Variants in SCARA3 observed in about 807,000 individuals in gnomAD.
SCARA3 encodes the protein scavenger receptor class A member 3, also known as cellular stress response gene protein.
A neutral mutation model predicts 47.0 loss-of-function variants in SCARA3; 39 were observed. The ratio of observed to expected loss-of-function variants is 0.83; its 90% confidence interval spans 0.64 to 1.08. SCARA3 has a LOEUF of 1.08. Ranked by LOEUF, SCARA3 falls within the 50% of genes least tolerant of loss-of-function variation. SCARA3 has a pLI of 0.00. For missense variants in SCARA3, 724 were observed against 792.3 expected (o/e 0.91, Z 1.04); for synonymous variants, 356 against 334.1 (o/e 1.07, Z -0.71).
At chr8:27,656,587 A>G (rs1407077584) in intron 3 of SCARA3, among the ~76,000 whole-genome samples, 195 bp from the exon 4 acceptor site, 14 of 151,900 alleles carry the variant, frequency 9.2e-5, no homozygotes. Context: ...GGGGTGAGTT[A>G]TTCTGTTTCT....
intron 1 of SCARA3, among the ~76,000 whole-genome samples, chr8:27,638,267 G>C (rs35493625): frequency 0.1 from 15,875 of 151,664 alleles, 1,012 homozygotes; most frequent in East Asian, 0.29. Context: ...GCTGGGCATG[G>C]CTCTCATACA....
At chr8:27,714,353 C>T in the SCARA3 span, among the ~76,000 whole-genome samples, 333 of 152,150 alleles carry the variant, frequency 2.2e-3, 6 homozygotes, top group East Asian at 0.056. Context: ...CGCCACCACG[C>T]CCTGCTAACT....
chr8:27,645,125 G>T (rs1801465414), intron 1 of SCARA3, among the ~76,000 whole-genome samples: 2 of 152,128 alleles, frequency 1.3e-5, no homozygotes, highest in Admixed American at 1.3e-4. Context: ...ATTTCGAAAG[G>T]TATATAAATT....
Position 27,671,470 on chromosome 8 carries a change from C to T in SCARA3, c.*119C>T. ...TCCTCTGATTCCAATGAGGGGGCTCCCCAGGGCTGACCCTGCAGCTTTGGG... is the reference window on the plus strand; with the variant it reads ...TCCTCTGATTCCAATGAGGGGGCTCTCCAGGGCTGACCCTGCAGCTTTGGG... On this transcript the variant is annotated 3_prime_UTR_variant, in exon 6 of 6. Transcript: ENST00000301904. 1 of 1,315,646 alleles carries T rather than the reference C, an allele frequency of 7.6e-7. No homozygotes were observed. Among genetic ancestry groups the T allele is most frequent in the Non-Finnish European group, 9.6e-7 (1 of 1,038,202 alleles). 81.5% of individuals were successfully genotyped at this position (1,315,646 alleles called of 1,614,324 possible). A position where few individuals can be genotyped will look rare whatever the true frequency, so the allele number is the denominator to read the frequency against.
upstream of SCARA3, among the ~76,000 whole-genome samples, chr8:27,633,691 G>A (rs1339737315): frequency 7.9e-5 from 12 of 152,064 alleles, no homozygotes; most frequent in East Asian, 2.1e-3. Context: ...GGGCGCACGG[G>A]CGAGGTAGGC....
chr8:27,664,134 C>G (rs1454404344), intron 5 of SCARA3, among the ~76,000 whole-genome samples: 1 of 152,182 alleles, frequency 6.6e-6, no homozygotes, highest in East Asian at 1.9e-4. Flanking sequence ...TATTTCCTGT[C>G]CCCTGACATG....
Position 27,651,492 on chromosome 8 carries a change from C to T in SCARA3, c.107-16C>T, listed in dbSNP as rs759159744. 6.2e-7 allele frequency: 1 copy of T among 1,609,490 alleles called. No individual in the cohort carries two copies. Among genetic ancestry groups the T allele is most frequent in the South Asian group, 1.1e-5 (1 of 90,916 alleles). On this transcript the variant is annotated splice_polypyrimidine_tract_variant and intron_variant, in intron 2 of 5. Coordinates refer to ENST00000301904, the MANE Select transcript of SCARA3 (RefSeq NM_016240.3). ...GCCCCTGGCCTAAGCCATTGTCCTC[C>T]TTGTGTCCCCCACAGGCCGGCCAGG...
chr8:27,711,334 G>T, the SCARA3 span, among the ~76,000 whole-genome samples: 1 of 152,266 alleles, frequency 6.6e-6, no homozygotes, highest in East Asian at 1.9e-4. Context: ...TCACTTACTA[G>T]CTGGAACTCT....
At chr8:27,733,742 G>A in the SCARA3 span, 2 of 152,144 alleles carry the variant, frequency 1.3e-5, no homozygotes, top group South Asian at 2.1e-4. Flanking sequence ...GAAAAAGCAC[G>A]CGTCAATATC....
chr8:27,702,379 C>T, the SCARA3 span: 8 of 152,342 alleles, frequency 5.3e-5, no homozygotes, highest in African/African-American at 1.4e-4. Flanking sequence ...CTCCCAAACC[C>T]GCTGCCCAGT....
rs35915165 is a variant in SCARA3, at chr8:27,671,325, C to T, written c.1795C>T (p.Pro599Ser). The change falls in exon 6 of 6, where the codon CCA becomes TCA. Residue 599 changes from proline to serine, a missense_variant. Coordinates refer to ENST00000301904, the MANE Select transcript of SCARA3 (RefSeq NM_016240.3). ...GPPGLPGPPG[P>S]PGSQSFY Reference sequence around the variant, plus strand: ...CCCTGGTCTCCCGGGGCCTCCAGGTCCACCAGGAAGCCAGAGCTTCTACTG... The same window carrying T: ...CCCTGGTCTCCCGGGGCCTCCAGGTTCACCAGGAAGCCAGAGCTTCTACTG... The T allele has an allele frequency of 4.3e-5, 62 of 1,425,852 alleles. No homozygotes were observed. The Middle Eastern group carries it at 9.3e-4, about 21-fold the overall frequency. 88.3% of individuals were successfully genotyped at this position (1,425,852 alleles called of 1,614,324 possible). A position where few individuals can be genotyped will look rare whatever the true frequency, so the allele number is the denominator to read the frequency against.
intron 1 of SCARA3, among the ~76,000 whole-genome samples, chr8:27,636,613 C>G: frequency 6.6e-6 from 1 of 152,116 alleles, no homozygotes; most frequent in Admixed American, 6.5e-5. Flanking sequence ...GAAGCCAAGC[C>G]CTGCCTCTCT....
downstream of SCARA3, chr8:27,676,418 A>T (rs911453932): frequency 1.4e-6 from 1 of 693,794 alleles, no homozygotes; most frequent in African/African-American, 1.8e-5. Context: ...TCTCAAAGGA[A>T]GCCAGGTGCT....
the SCARA3 span, among the ~76,000 whole-genome samples, chr8:27,684,545 G>A: frequency 3.3e-5 from 5 of 151,970 alleles, no homozygotes; most frequent in African/African-American, 1.2e-4. Context: ...AATTTGCTAG[G>A]CATTGTGGTA....
At chr8:27,724,136 A>AG in the SCARA3 span, among the ~76,000 whole-genome samples, 1 of 152,226 alleles carries the variant, frequency 6.6e-6, no homozygotes, top group Non-Finnish European at 1.5e-5. Context: ...TAGAAACCAA[A>AG]GGGCTGCTTT....
intron 3 of SCARA3, among the ~76,000 whole-genome samples, chr8:27,656,091 C>T (rs1293706367): frequency 6.6e-6 from 1 of 152,192 alleles, no homozygotes; most frequent in Non-Finnish European, 1.5e-5. Flanking sequence ...CACTGCATCT[C>T]GTCACGTAGG....
rs183105697 is a variant in SCARA3, at chr8:27,664,193, G to A, written c.1369+4654G>A. ...TTTCACCTAAAATACGTATGTGCAC[G>A]ACCTCTAGGGCACAATGTTCCAGGG... On this transcript the variant is annotated intron_variant, in intron 5 of 5. Transcript: ENST00000301904. 5.3e-5 allele frequency among the ~76,000 whole-genome samples: 8 copies of A among 152,286 alleles called. No individual in the cohort carries two copies. The East Asian group carries it at 9.6e-4, about 18-fold the overall frequency.
intron 4 of SCARA3, 97 bp from the exon 5 acceptor site, chr8:27,658,399 C>T (rs765422661): frequency 3.3e-6 from 4 of 1,221,036 alleles, no homozygotes; most frequent in Non-Finnish European, 4.5e-6. Flanking sequence ...TGGGAAGCTA[C>T]TAACCAATTT....
At chr8:27,721,129 C>A in the SCARA3 span, among the ~76,000 whole-genome samples, 1 of 142,250 alleles carries the variant, frequency 7.0e-6, no homozygotes, top group Non-Finnish European at 1.6e-5. Flanking sequence ...TCCCTCATTT[C>A]ATGAGTAAGG....
Sources: gnomAD v4.1 joint callset for allele counts (sites outside exome capture counted in the v4.1 genomes callset) on GRCh38, gnomAD v4.1.1 for gene constraint, MANE v1.5 for transcripts, NCBI Gene and HGNC (gene_info 2026-07-23, HGNC 2026-07-21) for gene names.